Variants in PLEKHH2 observed in about 807,000 individuals in gnomAD.
The protein encoded by PLEKHH2 is pleckstrin homology, MyTH4 and FERM domain containing H2.
Under a neutral mutation model 187.9 loss-of-function variants are expected in PLEKHH2, and 129 were observed. The observed-to-expected ratio is 0.69, with a 90% confidence interval of 0.59 to 0.79. PLEKHH2 has a LOEUF of 0.79. Among genes scored for constraint, PLEKHH2 ranks in the 30% least tolerant of loss-of-function variants. The pLI is 0.00. For synonymous variants in PLEKHH2, 686 were observed against 605.6 expected, an observed-to-expected ratio of 1.13 and a Z score of -1.95; for missense variants, 2,076 against 1,751.2, an observed-to-expected ratio of 1.19 and a Z score of -3.31.
chr2:43,640,511 A>G (rs893125836), intron 1 of PLEKHH2, among the ~76,000 whole-genome samples: 4 of 152,162 alleles, frequency 2.6e-5, no homozygotes, highest in Non-Finnish European at 2.9e-5. Context: ...CTTTTCAGGA[A>G]CTGTAAAACT....
At chr2:43,749,123 A>G (rs1412581702) in intron 24 of PLEKHH2, among the ~76,000 whole-genome samples, 1 of 152,234 alleles carries the variant, frequency 6.6e-6, no homozygotes, top group Non-Finnish European at 1.5e-5. Context: ...TATGATGGCT[A>G]TGATTGGAAC....
chr2:43,652,577 C>T (rs565633434), intron 2 of PLEKHH2, among the ~76,000 whole-genome samples: 35 of 152,114 alleles, frequency 2.3e-4, no homozygotes, highest in Admixed American at 7.2e-4. Context: ...TCCATGAGTC[C>T]AGGAGGAAAG....
At chr2:43,696,403 A>T (rs1669092943) in intron 6 of PLEKHH2, among the ~76,000 whole-genome samples, 1 of 151,080 alleles carries the variant, frequency 6.6e-6, no homozygotes, top group South Asian at 2.1e-4. Context: ...TGGGAGGATC[A>T]CTTGAGCCCG....
intron 22 of PLEKHH2, 48 bp from the exon 23 acceptor site, chr2:43,743,786 A>G: frequency 6.6e-7 from 1 of 1,505,956 alleles, no homozygotes. Context: ...TCTCAGTTTG[A>G]AACTATATAT....
At chr2:43,737,698 A>T (rs1368087) in intron 19 of PLEKHH2, among the ~76,000 whole-genome samples, 1 of 152,064 alleles carries the variant, frequency 6.6e-6, no homozygotes, top group Non-Finnish European at 1.5e-5. Flanking sequence ...CCTTCCCCAG[A>T]GGAAATGATC....
chr2:43,715,528 C>T (rs925717007), intron 15 of PLEKHH2, among the ~76,000 whole-genome samples: 2 of 152,074 alleles, frequency 1.3e-5, no homozygotes, highest in Non-Finnish European at 2.9e-5. Flanking sequence ...GGTGGAGGTT[C>T]TAAGAACAGT....
intron 19 of PLEKHH2, among the ~76,000 whole-genome samples, chr2:43,737,696 A>G (rs539183651): frequency 6.6e-6 from 1 of 152,340 alleles, no homozygotes; most frequent in South Asian, 2.1e-4. Flanking sequence ...TACCTTCCCC[A>G]GAGGAAATGA....
intron 19 of PLEKHH2, among the ~76,000 whole-genome samples, chr2:43,732,969 T>TC (rs77348971): frequency 0.18 from 27,643 of 152,084 alleles, 2,957 homozygotes; most frequent in Admixed American, 0.29. Flanking sequence ...TTTGGTCACA[T>TC]CCCCCTCAAA....
intron 15 of PLEKHH2, among the ~76,000 whole-genome samples, chr2:43,720,389 C>A (rs1670424982): frequency 6.6e-6 from 1 of 151,982 alleles, no homozygotes. Flanking sequence ...ATCCCATCAC[C>A]CAGGTAGTGA....
Position 43,700,000 on chromosome 2 carries a change from C to G in PLEKHH2, c.1042C>G (p.His348Asp). The change falls in exon 8 of 30, where the codon CAC (histidine) becomes GAC (aspartate). Residue 348 changes from histidine (H) to aspartate (D), a missense_variant. His to Asp is a moderately conservative substitution (Grantham distance 81). Transcript: ENST00000282406. ...GACTTTTGGCATAAAGAGACCAGAA[C>G]ACAAGAAGCTATATTCTTGGCAGCA... ...EETFGIKRPE[H>D]KKLYSWQQEA... 1 of 1,614,180 alleles carries G rather than the reference C, an allele frequency of 6.2e-7. No individual in the cohort carries two copies. Among genetic ancestry groups the G allele is most frequent in the Non-Finnish European group, 8.5e-7 (1 of 1,180,030 alleles).
intron 19 of PLEKHH2, among the ~76,000 whole-genome samples, chr2:43,734,417 ATC>A (rs1671193576): frequency 6.6e-6 from 1 of 152,230 alleles, no homozygotes; most frequent in Non-Finnish European, 1.5e-5. Context: ...AAAACAAATA[ATC>A]CAATTTTAAA....
intron 2 of PLEKHH2, among the ~76,000 whole-genome samples, chr2:43,668,822 A>T (rs1465564871): frequency 6.6e-6 from 1 of 152,144 alleles, no homozygotes; most frequent in Non-Finnish European, 1.5e-5. Flanking sequence ...CAACAACAAT[A>T]ATAAAACAAC....
intron 2 of PLEKHH2, chr2:43,675,994 T>C: frequency 1.2e-6 from 2 of 1,614,052 alleles, no homozygotes; most frequent in Non-Finnish European, 1.7e-6. Context: ...ACTTTCTATA[T>C]TGAACAAATT....
At chr2:43,764,624 A>G (rs539870702) in intron 29 of PLEKHH2, among the ~76,000 whole-genome samples, 2 of 152,320 alleles carry the variant, frequency 1.3e-5, no homozygotes, top group Admixed American at 1.3e-4. Flanking sequence ...AATTAAATGA[A>G]GGAAGTTTGT....
rs149301613 is a variant in PLEKHH2 at position 43,710,059 on chromosome 2, C to T, written c.2036C>T (p.Thr679Met). ...AIPPDAYSTD[T>M]EYSQPEQKLP... is the part of the protein sequence containing the mutation. Reference sequence around the variant, plus strand: ...CCTCCTGATGCTTACTCCACAGACACGGAGTACTCACAGCCAGAGCAGAAG... The same window carrying T: ...CCTCCTGATGCTTACTCCACAGACATGGAGTACTCACAGCCAGAGCAGAAG... The change falls in exon 12 of 30, where the codon ACG becomes ATG. Residue 679 changes from threonine (T) to methionine (M), a missense_variant. Coordinates refer to ENST00000282406, the MANE Select transcript of PLEKHH2 (RefSeq NM_172069.4). 8.4e-4 allele frequency: 1,362 copies of T among 1,612,186 alleles called. 3 individuals are homozygous for T. The highest frequency in any genetic ancestry group is 1.0e-3 in the Non-Finnish European group (1,178 of 1,178,312).
chr2:43,735,671 CA>C (rs1558589771), intron 19 of PLEKHH2, among the ~76,000 whole-genome samples: 1 of 152,086 alleles, frequency 6.6e-6, no homozygotes, highest in East Asian at 1.9e-4. Flanking sequence ...AGGCATGTAT[CA>C]AAAAATTCAT....
In PLEKHH2 at chr2:43,688,744, G is replaced by A. The variant is rs187230351; in HGVS notation, c.187-3770G>A. 2.2e-4 allele frequency among the ~76,000 whole-genome samples: 33 copies of A among 152,342 alleles called. No individual in the cohort carries two copies. The East Asian group carries it at 6.0e-3, about 28-fold the overall frequency. On this transcript the variant is annotated intron_variant, in intron 3 of 29. Transcript: ENST00000282406. ...TCAACAAAGGAAAAGGGCACATAGAGTGGTGTCCAGGAGAAATCAGGTATG... is the reference window on the plus strand; with the variant it reads ...TCAACAAAGGAAAAGGGCACATAGAATGGTGTCCAGGAGAAATCAGGTATG...
Position 43,743,851 on chromosome 2 carries a change from A to G in PLEKHH2, c.3417A>G (p.Ala1139=), listed in dbSNP as rs1671670488. The change falls in exon 23 of 30, where the codon GCA becomes GCG. Residue 1139 remains alanine (A), a synonymous_variant. Coordinates refer to ENST00000282406, the MANE Select transcript of PLEKHH2 (RefSeq NM_172069.4). ...NGIYQVVGFD[A]STTVEEFLNT... The stretch of plus-strand genomic sequence containing the variant: ...CTGTCTAGGTAGTTGGTTTTGACGC[A>G]TCTACCACAGTGGAAGAATTTTTGA... 2 of 1,613,912 alleles carry G rather than the reference A, an allele frequency of 1.2e-6. No homozygotes were observed. Among genetic ancestry groups the G allele is most frequent in the East Asian group, 2.2e-5 (1 of 44,882 alleles).
intron 19 of PLEKHH2, among the ~76,000 whole-genome samples, chr2:43,734,492 T>G (rs1022324741): frequency 6.6e-6 from 1 of 152,166 alleles, no homozygotes; most frequent in Non-Finnish European, 1.5e-5. Flanking sequence ...AACAAGTATA[T>G]GAATAAATGC....
Sources: allele counts gnomAD v4.1 joint callset (sites outside exome capture counted in the v4.1 genomes callset), GRCh38; gene constraint gnomAD v4.1.1; transcripts MANE v1.5; gene names NCBI Gene and HGNC (gene_info 2026-07-23, HGNC 2026-07-21).